ARRB1: variants seen among roughly 807,000 people sequenced by gnomAD.
ARRB1 encodes arrestin beta 1.
Under a neutral mutation model 56.8 loss-of-function variants are expected in ARRB1, and 21 were observed. The observed-to-expected ratio is 0.37, with a 90% CI of 0.26 to 0.53. ARRB1 has a LOEUF of 0.53. ARRB1 is among the 20% of genes least tolerant of loss of function. The probability of loss-of-function intolerance (pLI) is 0.88; values close to 1 mark genes in which losing one functional copy is unlikely to be tolerated. For missense variants in ARRB1, 424 were observed against 553.7 expected (o/e 0.77, Z 2.35); for synonymous variants, 210 against 218.6 (o/e 0.96, Z 0.35).
At chr11:75,299,174 A>G (rs1946834241) in intron 1 of ARRB1, among the ~76,000 whole-genome samples, 2 of 151,860 alleles carry the variant, frequency 1.3e-5, no homozygotes, top group South Asian at 2.1e-4. Flanking sequence ...ACTTGTGAAT[A>G]TATACAAAAA....
chr11:75,342,783 G>C (rs1017136151), intron 1 of ARRB1, among the ~76,000 whole-genome samples: 102 of 152,218 alleles, frequency 6.7e-4, no homozygotes, highest in African/African-American at 2.4e-3. Context: ...GGACCAAGTA[G>C]ACAGAGAGGC....
intron 1 of ARRB1, among the ~76,000 whole-genome samples, chr11:75,345,093 G>A (rs550162512): frequency 3.9e-5 from 6 of 152,274 alleles, no homozygotes; most frequent in South Asian, 2.1e-4. Context: ...GCCAGGTGCC[G>A]CCCAGCCCCA....
At position 75,283,494 on chromosome 11, in the gene ARRB1, C is replaced by T. The variant is rs562858492; in HGVS notation, c.158-11G>A. On this transcript the variant is annotated splice_polypyrimidine_tract_variant and intron_variant, in intron 4 of 15. Transcript: ENST00000420843. ...TCAGCGTCACATAGACTGTGGGGAG[C>T]GAGGAGCACTGAGGAGGGGCCTGGG... 2.8e-5 allele frequency: 45 copies of T among 1,594,752 alleles called. No individual in the cohort carries two copies. The South Asian group carries it at 3.1e-4, about 11-fold the overall frequency.
At position 75,264,261 on chromosome 11, in the gene ARRB1, C is replaced by G. The variant is rs1012626451; in HGVS notation, c.*1902G>C. The stretch of plus-strand genomic sequence containing the variant: ...CAGGAAATAAGTCACACTGCCTGCC[C>G]CAGGAGGTGCTGGACTGGAAAGGAT... On this transcript the variant is annotated 3_prime_UTR_variant, in exon 16 of 16. Coordinates refer to ENST00000420843, the MANE Select transcript of ARRB1 (RefSeq NM_004041.5). 2.0e-5 allele frequency: 3 copies of G among 152,148 alleles called. No individual in the cohort carries two copies. The highest frequency in any genetic ancestry group is 7.2e-5 in the African/African-American group (3 of 41,420). The allele number at this position is 152,148 out of a possible 1,614,324, so 9.4% of individuals were successfully genotyped here.
intron 2 of ARRB1, among the ~76,000 whole-genome samples, chr11:75,289,549 T>C (rs1946556672): frequency 6.6e-6 from 1 of 152,132 alleles, no homozygotes; most frequent in Non-Finnish European, 1.5e-5. Flanking sequence ...GTGTCAGTAA[T>C]GTCTACCTGC....
chr11:75,272,038 G>A (rs35891965), intron 12 of ARRB1, among the ~76,000 whole-genome samples: 2,223 of 152,298 alleles, frequency 0.015, 65 homozygotes, highest in African/African-American at 0.051. Context: ...ACTATCTAAA[G>A]GCAGAGGGAA....
In ARRB1 at chr11:75,274,143, C is replaced by T. The variant is rs767289934; in HGVS notation, c.845G>A (p.Arg282Gln). 53 of 1,614,076 alleles carry T rather than the reference C, an allele frequency of 3.3e-5. No homozygotes were observed. The highest frequency in any genetic ancestry group is 4.4e-5 in the Non-Finnish European group (52 of 1,180,046). ...GTCCAAGGCGAGGCCCCGCTTCTCT[C>T]GGTTATTGGCTAGGAAGGGGGTCAG... ...YTLTPFLANNREKRGLALDGK... is the reference protein window; with the variant it reads ...YTLTPFLANNQEKRGLALDGK... The change falls in exon 11 of 16, where the codon CGA (arginine) becomes CAA (glutamine). Residue 282 changes from arginine (R) to glutamine (Q), a missense_variant. By Grantham distance (43) the Arg-to-Gln change is conservative. This residue lies in a region of ARRB1 where 301 missense variants were observed against 387.9 expected (regional missense o/e 0.78). Transcript: ENST00000420843.
At position 75,281,748 on chromosome 11, in the gene ARRB1, C is replaced by T. The variant is rs553243233; in HGVS notation, c.414+214G>A. 5.0e-5 allele frequency: 29 copies of T among 584,910 alleles called. No individual in the cohort carries two copies. In the African/African-American group the frequency reaches 5.4e-4, roughly 11 times the overall value. 36.2% of individuals were successfully genotyped at this position (584,910 alleles called of 1,614,324 possible). Reference sequence around the variant, plus strand: ...CGCCACCCAGGAGAGCCTCCAGACCCATCACTGAATGGGAGAGTGAGGCTG... The same window carrying T: ...CGCCACCCAGGAGAGCCTCCAGACCTATCACTGAATGGGAGAGTGAGGCTG... On this transcript the variant is annotated intron_variant, in intron 6 of 15. Coordinates refer to ENST00000420843, the MANE Select transcript of ARRB1 (RefSeq NM_004041.5).
chr11:75,269,942 AC>A lies in ARRB1; in HGVS notation c.1023-984del, dbSNP rs570570411. Among the ~76,000 whole-genome samples the A allele has an allele frequency of 4.2e-3, 641 of 152,350 alleles. 4 individuals carry two copies. The highest frequency in any genetic ancestry group is 6.8e-3 in the Middle Eastern group (2 of 294). On this transcript the variant is annotated intron_variant, in intron 13 of 15. Coordinates refer to ENST00000420843, the MANE Select transcript of ARRB1 (RefSeq NM_004041.5). ...GGAGACCACCCAACTGCGAGTGCCT[AC>A]AGGCACAAGCCACATCCCACTGATC...
At chr11:75,314,953 C>A (rs2140487915) in intron 1 of ARRB1, among the ~76,000 whole-genome samples, 1 of 152,272 alleles carries the variant, frequency 6.6e-6, no homozygotes, top group Middle Eastern at 3.4e-3. Flanking sequence ...TGGTTCAGTG[C>A]CCGGTGAACA....
At chr11:75,326,724 C>CTTTT in intron 1 of ARRB1, among the ~76,000 whole-genome samples, 1 of 123,796 alleles carries the variant, frequency 8.1e-6, no homozygotes, top group Non-Finnish European at 1.7e-5. Context: ...AAATTACTGT[C>CTTTT]TTTTTTTTTT....
At chr11:75,273,071 TC>T in intron 11 of ARRB1, 93 bp from the exon 12 acceptor site, 1 of 1,058,620 alleles carries the variant, frequency 9.4e-7, no homozygotes, top group Non-Finnish European at 1.4e-6. Context: ...TGGCCGTCCA[TC>T]CCCCATCTGG....
chr11:75,342,696 T>C (rs58135266), intron 1 of ARRB1, among the ~76,000 whole-genome samples: 5,677 of 151,868 alleles, frequency 0.037, 313 homozygotes, highest in African/African-American at 0.12. Flanking sequence ...AGGATGAGGA[T>C]GAAGAATGGA....
intron 1 of ARRB1, among the ~76,000 whole-genome samples, chr11:75,327,283 C>T (rs1456328517): frequency 3.7e-5 from 4 of 107,900 alleles, no homozygotes; most frequent in African/African-American, 1.6e-4. Flanking sequence ...GCCTGGGTGA[C>T]AGAGCGAAAC....
chr11:75,301,509 A>G (rs948082428), intron 1 of ARRB1, among the ~76,000 whole-genome samples: 1 of 152,160 alleles, frequency 6.6e-6, no homozygotes, highest in Non-Finnish European at 1.5e-5. Context: ...GGGGAGGGAG[A>G]ATGACTGGCC....
At chr11:75,276,947 G>A (rs1028729384) in intron 9 of ARRB1, 36 bp from the exon 10 acceptor site, 4 of 1,606,022 alleles carry the variant, frequency 2.5e-6, no homozygotes, top group East Asian at 2.2e-5. Context: ...GAGTGAGTCG[G>A]GAATGTAGCT....
At chr11:75,345,019 AG>A (rs1400551995) in intron 1 of ARRB1, among the ~76,000 whole-genome samples, 4 of 152,168 alleles carry the variant, frequency 2.6e-5, no homozygotes, top group Admixed American at 6.5e-5. Flanking sequence ...CCAGTGCTGA[AG>A]GCCCTTTAGA....
chr11:75,273,567 C>T (rs1565106278), intron 11 of ARRB1, among the ~76,000 whole-genome samples: 1 of 152,318 alleles, frequency 6.6e-6, no homozygotes, highest in South Asian at 2.1e-4. Flanking sequence ...TGAAGGACCA[C>T]ACTGGCAAGA....
intron 1 of ARRB1, among the ~76,000 whole-genome samples, chr11:75,349,233 C>T (rs544621961): frequency 4.6e-5 from 7 of 152,144 alleles, no homozygotes; most frequent in Admixed American, 2.0e-4. Flanking sequence ...TGGATTTAGC[C>T]GGGCCTTGGC....
Sources: gnomAD v4.1 joint callset for allele counts (sites outside exome capture counted in the v4.1 genomes callset) on GRCh38, gnomAD v4.1.1 for gene constraint, gnomAD v4.1.1 regional missense constraint, MANE v1.5 for transcripts, NCBI Gene and HGNC (gene_info 2026-07-23, HGNC 2026-07-21) for gene names.